RPS6KC1: variants seen among roughly 807,000 people sequenced by gnomAD.
The protein encoded by RPS6KC1 is inactive ribosomal protein S6 kinase delta-1.
A neutral mutation model predicts 103.8 loss-of-function variants in RPS6KC1; 54 were observed. The observed-to-expected ratio is 0.52, with a 90% confidence interval of 0.42 to 0.65. The LOEUF is 0.65. Among genes scored for constraint, RPS6KC1 ranks in the 30% least tolerant of loss-of-function variants. The pLI, the probability that RPS6KC1 is intolerant of heterozygous loss-of-function variation, is 0.00. For missense variants in RPS6KC1, 1,151 were observed against 1,253.8 expected (o/e 0.92, Z 1.24); for synonymous variants, 439 against 438.7 (o/e 1.00, Z -0.01).
chr1:213,591,258 C>T, the RPS6KC1 span, among the ~76,000 whole-genome samples: 1 of 152,208 alleles, frequency 6.6e-6, no homozygotes, highest in Non-Finnish European at 1.5e-5. Flanking sequence ...CTTACTACCT[C>T]CTGAAGGCCA....
At chr1:213,405,296 C>T in the RPS6KC1 span, among the ~76,000 whole-genome samples, 2 of 152,344 alleles carry the variant, frequency 1.3e-5, no homozygotes, top group South Asian at 4.1e-4. Flanking sequence ...GGTTCCCTGG[C>T]TCGAATCCGC....
At chr1:213,335,623 T>TC in the RPS6KC1 span, among the ~76,000 whole-genome samples, 1 of 152,170 alleles carries the variant, frequency 6.6e-6, no homozygotes, top group East Asian at 1.9e-4. Context: ...CACCTGCCAC[T>TC]CCTATCTGCA....
At chr1:213,081,564 A>T (rs141633012) in intron 3 of RPS6KC1, among the ~76,000 whole-genome samples, 1 of 151,934 alleles carries the variant, frequency 6.6e-6, no homozygotes. Flanking sequence ...AGATTGTACT[A>T]GGGTTGGTCT....
At chr1:213,853,906 C>T in the RPS6KC1 span, among the ~76,000 whole-genome samples, 3 of 152,152 alleles carry the variant, frequency 2.0e-5, no homozygotes, top group East Asian at 5.8e-4. Flanking sequence ...TTGTCCTCAC[C>T]ACAAATAACC....
intron 3 of RPS6KC1, among the ~76,000 whole-genome samples, chr1:213,081,662 T>A (rs2079897377): frequency 6.6e-6 from 1 of 151,948 alleles, no homozygotes; most frequent in Non-Finnish European, 1.5e-5. Context: ...GTTTTTTTTT[T>A]TTTTTTCCTT....
chr1:213,105,782 T>TA (rs772002294), intron 4 of RPS6KC1, among the ~76,000 whole-genome samples: 2 of 152,344 alleles, frequency 1.3e-5, no homozygotes, highest in Non-Finnish European at 2.9e-5. Flanking sequence ...ATCAAATTGA[T>TA]AGAGTATTTA....
intron 12 of RPS6KC1, among the ~76,000 whole-genome samples, chr1:213,254,471 CATCTT>C (rs2094599958): frequency 1.3e-5 from 2 of 152,180 alleles, no homozygotes; most frequent in Admixed American, 1.3e-4. Flanking sequence ...AATGCTTGCT[CATCTT>C]AGCATAATCC....
At chr1:213,558,083 T>C in the RPS6KC1 span, among the ~76,000 whole-genome samples, 1 of 152,156 alleles carries the variant, frequency 6.6e-6, no homozygotes, top group Non-Finnish European at 1.5e-5. Context: ...TGCACACACA[T>C]GTTGGTGAGC....
chr1:213,613,717 T>C, the RPS6KC1 span, among the ~76,000 whole-genome samples: 88 of 152,302 alleles, frequency 5.8e-4, no homozygotes, highest in Non-Finnish European at 5.1e-4. Context: ...AGTGCTTCAG[T>C]GTCCCTGTGC....
the RPS6KC1 span, among the ~76,000 whole-genome samples, chr1:213,460,316 C>G: frequency 6.6e-6 from 1 of 151,688 alleles, no homozygotes; most frequent in East Asian, 1.9e-4. Flanking sequence ...GCATTGATCC[C>G]TTTACCATTA....
At chr1:213,257,255 T>C (rs2094669695) in intron 12 of RPS6KC1, among the ~76,000 whole-genome samples, 1 of 152,208 alleles carries the variant, frequency 6.6e-6, no homozygotes. Context: ...GCTACGTTGT[T>C]GGTGGCACTT....
chr1:213,854,875 C>T, the RPS6KC1 span, among the ~76,000 whole-genome samples: 1 of 152,198 alleles, frequency 6.6e-6, no homozygotes, highest in South Asian at 2.1e-4. Context: ...TCTACTCAGG[C>T]AGCTATAACA....
At chr1:213,592,559 G>A in the RPS6KC1 span, among the ~76,000 whole-genome samples, 3 of 152,208 alleles carry the variant, frequency 2.0e-5, no homozygotes, top group Middle Eastern at 6.8e-3. Flanking sequence ...ACCCTTCTCC[G>A]TTGTACCTTA....
chr1:213,379,652 C>A, the RPS6KC1 span, among the ~76,000 whole-genome samples: 1 of 152,298 alleles, frequency 6.6e-6, no homozygotes, highest in South Asian at 2.1e-4. Context: ...CCATTGTCAT[C>A]TTTGATAACC....
At chr1:213,555,812 T>C in the RPS6KC1 span, among the ~76,000 whole-genome samples, 1 of 152,216 alleles carries the variant, frequency 6.6e-6, no homozygotes, top group Non-Finnish European at 1.5e-5. Flanking sequence ...TCTACCACAG[T>C]TTGTTTCTCT....
the RPS6KC1 span, among the ~76,000 whole-genome samples, chr1:213,618,150 A>T: frequency 6.6e-6 from 1 of 152,180 alleles, no homozygotes; most frequent in African/African-American, 2.4e-5. Context: ...CCCTTCCAAA[A>T]GGTGTTTCTT....
chr1:213,612,586 G>A, the RPS6KC1 span, among the ~76,000 whole-genome samples: 3 of 152,320 alleles, frequency 2.0e-5, no homozygotes, highest in East Asian at 5.8e-4. Context: ...TGCAAAAACT[G>A]TCAAGTGTCT....
chr1:213,274,952 A>G (rs1003675457), downstream of RPS6KC1, among the ~76,000 whole-genome samples: 1 of 152,188 alleles, frequency 6.6e-6, no homozygotes, highest in Non-Finnish European at 1.5e-5. Context: ...CCACTAAACA[A>G]TAACTCCTCC....
At chr1:213,828,932 A>G in the RPS6KC1 span, among the ~76,000 whole-genome samples, 1 of 152,190 alleles carries the variant, frequency 6.6e-6, no homozygotes, top group Admixed American at 6.5e-5. Context: ...TTTTTAATTA[A>G]CATAAAGTCT....
Sources: gnomAD v4.1 joint callset for allele counts (sites outside exome capture counted in the v4.1 genomes callset) on GRCh38, gnomAD v4.1.1 for gene constraint, MANE v1.5 for transcripts, NCBI Gene and HGNC (gene_info 2026-07-23, HGNC 2026-07-21) for gene names.